The following PRH1 variants were observed in gnomAD, a reference collection of about 807,000 sequenced individuals.
PRH1 encodes salivary acidic proline-rich phosphoprotein 1/2.
In PRH1, 7 loss-of-function variants were observed where a neutral mutation model predicts 7.9. That is an observed-to-expected ratio of 0.89 (90% CI 0.50 to 1.67). PRH1 has a LOEUF of 1.67. Ranked by LOEUF, PRH1 falls within the 40% of genes most tolerant of loss-of-function variation. PRH1 has a pLI of 0.00. For missense variants in PRH1, 109 were observed against 223.6 expected, an observed-to-expected ratio of 0.49 and a Z score of 3.27; for synonymous variants, 45 against 80.8, an observed-to-expected ratio of 0.56 and a Z score of 2.38.
At chr12:11,022,456 C>A in intron 1 of PRH1, 2 of 1,557,896 alleles carry the variant, frequency 1.3e-6, no homozygotes, top group Non-Finnish European at 1.7e-6. Context: ...GGAGATCTTT[C>A]GTGTGTTAAC....
At chr12:10,963,548 G>A (rs1001103672) in intron 2 of PRH1, among the ~76,000 whole-genome samples, 24 of 152,158 alleles carry the variant, frequency 1.6e-4, no homozygotes, top group Non-Finnish European at 2.4e-4. Flanking sequence ...CTCTGAAGCA[G>A]TTTAGGAAAG....
intron 1 of PRH1, chr12:10,986,986 T>TA: frequency 1.5e-6 from 1 of 672,710 alleles, no homozygotes. Flanking sequence ...TTTTTACTTT[T>TA]AAACACTGTG....
intron 1 of PRH1, among the ~76,000 whole-genome samples, chr12:11,007,877 A>T (rs1357779072): frequency 2.6e-5 from 4 of 152,098 alleles, no homozygotes; most frequent in Admixed American, 6.6e-5. Context: ...AGAGTGATCC[A>T]CCCAAACCCA....
rs1950182624 is a variant in PRH1, at chr12:10,930,160, A to C, written c.-59+43495T>G. Reference sequence around the variant, plus strand: ...ATCAGAGAGTGGCTGATGAGATCTCAAAGGGGATGCACAGGGTGTGATCAG... The same window carrying C: ...ATCAGAGAGTGGCTGATGAGATCTCCAAGGGGATGCACAGGGTGTGATCAG... On this transcript the variant is annotated intron_variant, in intron 2 of 3. Transcript: ENST00000539853. The C allele has an allele frequency of 4.6e-6, 6 of 1,304,022 alleles. 1 individual carries two copies. The Admixed American group carries it at 1.1e-4, about 23-fold the overall frequency. The allele number at this position is 1,304,022 out of a possible 1,614,324, so 80.8% of individuals were successfully genotyped here.
At chr12:11,005,161 A>C (rs376497538) in intron 1 of PRH1, among the ~76,000 whole-genome samples, 1 of 152,178 alleles carries the variant, frequency 6.6e-6, no homozygotes, top group South Asian at 2.1e-4. Flanking sequence ...TGCTGTCTTT[A>C]TGGAAAACAT....
intron 1 of PRH1, among the ~76,000 whole-genome samples, chr12:11,002,057 AT>A (rs1940620890): frequency 6.6e-6 from 1 of 152,180 alleles, no homozygotes; most frequent in African/African-American, 2.4e-5. Context: ...TAAGCAATGT[AT>A]TTTAAACTAA....
intron 1 of PRH1, among the ~76,000 whole-genome samples, chr12:11,058,718 G>A (rs1943468366): frequency 2.4e-5 from 2 of 82,000 alleles, no homozygotes; most frequent in Admixed American, 1.4e-4. Flanking sequence ...ATAGGACTCT[G>A]TGCACGTCTC....
At chr12:10,953,163 A>G (rs1284177199) in intron 2 of PRH1, among the ~76,000 whole-genome samples, 2 of 152,234 alleles carry the variant, frequency 1.3e-5, no homozygotes, top group Admixed American at 1.3e-4. Flanking sequence ...AGACTGAAGA[A>G]TATCAGCCCA....
intron 1 of PRH1, among the ~76,000 whole-genome samples, chr12:11,139,766 T>G (rs1336477174): frequency 6.6e-6 from 1 of 152,182 alleles, no homozygotes; most frequent in African/African-American, 2.4e-5. Context: ...TGTATTCGGA[T>G]AAGAGTGTAA....
intron 1 of PRH1, among the ~76,000 whole-genome samples, chr12:11,152,496 C>T (rs2136431006): frequency 6.6e-6 from 1 of 152,088 alleles, no homozygotes; most frequent in South Asian, 2.1e-4. Flanking sequence ...AATTTCTCTT[C>T]TCTCAAGATC....
intron 1 of PRH1, among the ~76,000 whole-genome samples, chr12:11,057,114 C>T (rs1943395320): frequency 6.6e-6 from 1 of 152,128 alleles, no homozygotes; most frequent in South Asian, 2.1e-4. Context: ...TCAAGCAATC[C>T]TCCTGCCTCA....
At chr12:10,887,525 CT>C (rs35193707), upstream of PRH1, among the ~76,000 whole-genome samples, 5,406 of 139,074 alleles carry the variant, frequency 0.039, 107 homozygotes, top group Middle Eastern at 0.063. Flanking sequence ...TAGCATATTT[CT>C]TTTTTTTTTT....
rs555803228 is a variant in PRH1, at chr12:11,155,604, A to T, written n.39+15818T>A. 4.6e-5 allele frequency among the ~76,000 whole-genome samples: 7 copies of T among 152,274 alleles called. No individual in the cohort carries two copies. The East Asian group carries it at 1.2e-3, about 25-fold the overall frequency. On this transcript the variant is annotated intron_variant and non_coding_transcript_variant, in intron 1 of 1. Coordinates refer to the PRH1 transcript ENST00000541175. ...AACTCTTTATAAATACAACCTTAAT[A>T]TATTTTCTTCTTGTTTATGACTTCT... is the stretch of plus-strand genomic sequence containing the variant.
intron 2 of PRH1, among the ~76,000 whole-genome samples, chr12:10,916,108 A>G (rs1398103463): frequency 6.6e-6 from 1 of 152,216 alleles, no homozygotes; most frequent in Admixed American, 6.5e-5. Flanking sequence ...GAAAGAGGAA[A>G]GGGACATCTT....
chr12:10,942,805 C>G (rs547615142), intron 2 of PRH1, among the ~76,000 whole-genome samples: 1 of 152,270 alleles, frequency 6.6e-6, no homozygotes, highest in South Asian at 2.1e-4. Flanking sequence ...CTCTTGTCAC[C>G]CTCCCAAAGG....
intron 2 of PRH1, among the ~76,000 whole-genome samples, chr12:10,954,197 C>G (rs1224190016): frequency 1.3e-5 from 2 of 152,128 alleles, no homozygotes; most frequent in African/African-American, 4.8e-5. Context: ...AAAGTAACCA[C>G]AGAAACCAGT....
In PRH1 at chr12:10,912,895, A is replaced by C. The variant is rs528244601; in HGVS notation, c.-58-28620T>G. On this transcript the variant is annotated intron_variant, in intron 2 of 3. Coordinates refer to the PRH1 transcript ENST00000539853. The stretch of plus-strand genomic sequence containing the variant: ...GTAGCTTTGGGGTGCAGTGTTTCAT[A>C]CATCCACTAGATCTATTTGTAATCA... Among the ~76,000 whole-genome samples the C allele has an allele frequency of 2.0e-4, 30 of 152,328 alleles. No homozygotes were observed. The South Asian group carries it at 6.2e-3, about 32-fold the overall frequency.
chr12:11,131,365 G>A (rs888615304), intron 1 of PRH1, among the ~76,000 whole-genome samples: 4 of 148,990 alleles, frequency 2.7e-5, no homozygotes, highest in African/African-American at 9.8e-5. Flanking sequence ...TTTCACATCG[G>A]TTCTTGTCTC....
intron 1 of PRH1, among the ~76,000 whole-genome samples, chr12:11,121,439 T>C (rs886721923): frequency 4.6e-5 from 7 of 152,202 alleles, no homozygotes; most frequent in South Asian, 2.1e-4. Flanking sequence ...AAGGAGATAA[T>C]TGGAAATTCA....
Sources: allele counts gnomAD v4.1 joint callset (sites outside exome capture counted in the v4.1 genomes callset), GRCh38; gene constraint gnomAD v4.1.1; transcripts MANE v1.5; gene names NCBI Gene and HGNC (gene_info 2026-07-23, HGNC 2026-07-21).